Variants in UGGT1 observed in about 807,000 individuals in gnomAD.
UGGT1 encodes UDP-glucose:glycoprotein glucosyltransferase 1.
In UGGT1, 107 loss-of-function variants were observed where a neutral mutation model predicts 203.9. The ratio of observed to expected loss-of-function variants is 0.52; its 90% CI spans 0.45 to 0.62. The LOEUF is 0.62. UGGT1 is among the 20% of genes least tolerant of loss of function. The pLI is 0.00. For missense variants in UGGT1, 1,673 were observed against 1,867.2 expected (o/e 0.90, Z 1.92); for synonymous variants, 628 against 653.5 (o/e 0.96, Z 0.59).
rs145658959 is a variant in UGGT1, at chr2:128,135,275, T to C, written c.1583+314T>C. On this transcript the variant is annotated intron_variant, in intron 15 of 40. Transcript: ENST00000259253. ...CACATCACAAAACCTATTTCCACTT[T>C]CAGCAGAGATATAGAGCATTGCCAA... is the stretch of plus-strand genomic sequence containing the variant. Among the ~76,000 whole-genome samples, 67 of 152,352 alleles carry C rather than the reference T, an allele frequency of 4.4e-4. No individual in the cohort carries two copies. The East Asian group carries it at 0.011, about 25-fold the overall frequency.
rs1335381988 is a variant in UGGT1 at position 128,159,650 on chromosome 2, C to A, written c.2492C>A (p.Thr831Asn). 3.1e-6 allele frequency: 5 copies of A among 1,614,014 alleles called. No individual in the cohort carries two copies. Among genetic ancestry groups the A allele is most frequent in the Admixed American group, 1.7e-5 (1 of 59,998 alleles). Residue 831 changes from threonine (T) to asparagine (N), a missense_variant, in exon 23 of 41, where the codon ACC becomes AAC. Thr to Asn is a moderately conservative substitution (Grantham distance 65). This residue lies in a region of UGGT1 where 1,073 missense variants were observed against 1,078.7 expected (regional missense o/e 0.99). Transcript: ENST00000259253. ...TCCAACGCTGCTAAGAACTTCATCACCAAAATGGCCAAGGAGGGGGCTGCA... is the reference window on the plus strand; with the variant it reads ...TCCAACGCTGCTAAGAACTTCATCAACAAAATGGCCAAGGAGGGGGCTGCA... ...QTSNAAKNFI[T>N]KMAKEGAAEA...
intron 5 of UGGT1, 124 bp from the exon 6 acceptor site, chr2:128,112,960 A>G (rs1388248400): frequency 6.0e-6 from 5 of 836,002 alleles, no homozygotes; most frequent in Non-Finnish European, 8.6e-6. Flanking sequence ...AGATCATGCT[A>G]CCCTTCATAT....
intron 3 of UGGT1, 78 bp downstream of exon 3, chr2:128,104,092 G>A: frequency 9.1e-7 from 1 of 1,095,848 alleles, no homozygotes. Flanking sequence ...TATAGTATGT[G>A]TGGCATGGCA....
chr2:128,093,780 G>A (rs940790077), intron 1 of UGGT1, among the ~76,000 whole-genome samples: 8 of 152,206 alleles, frequency 5.3e-5, no homozygotes, highest in Non-Finnish European at 1.0e-4. Flanking sequence ...GTTAGGCAAG[G>A]TACTCAGCAT....
At chr2:128,176,684 A>T in intron 31 of UGGT1, 130 bp from the exon 32 acceptor site, 1 of 847,948 alleles carries the variant, frequency 1.2e-6, no homozygotes, top group Non-Finnish European at 1.9e-6. Context: ...GAAGGAGCTT[A>T]AGGAGCAAGA....
intron 24 of UGGT1, 129 bp downstream of exon 24, chr2:128,160,720 C>G: frequency 3.0e-6 from 4 of 1,318,448 alleles, no homozygotes; most frequent in Non-Finnish European, 4.1e-6. Flanking sequence ...TTATGAAGTG[C>G]CATTGATGTT....
In UGGT1 at chr2:128,164,863, T is replaced by C. The variant is rs370839397; in HGVS notation, c.2921+38T>C. On this transcript the variant is annotated intron_variant, in intron 26 of 40. Coordinates refer to ENST00000259253, the MANE Select transcript of UGGT1 (RefSeq NM_020120.4). ...TGTTGAATTTGTGCATATTCTTGAA[T>C]ATTAAACTCTTATGTTTGCTTTACC... is the stretch of plus-strand genomic sequence containing the variant. 6.4e-5 allele frequency: 95 copies of C among 1,475,508 alleles called. No individual in the cohort carries two copies. The African/African-American group carries it at 1.3e-3, about 20-fold the overall frequency. The allele number at this position is 1,475,508 out of a possible 1,614,324, so 91.4% of individuals were successfully genotyped here. A position where few individuals can be genotyped will look rare whatever the true frequency, so the allele number is the denominator to read the frequency against.
chr2:128,163,266 T>C (rs1468624131), intron 25 of UGGT1, among the ~76,000 whole-genome samples: 2 of 145,718 alleles, frequency 1.4e-5, no homozygotes, highest in African/African-American at 5.1e-5. Flanking sequence ...ATATATTTGC[T>C]GGGTTCATAG....
chr2:128,153,497 C>G (rs1248672162), intron 19 of UGGT1, among the ~76,000 whole-genome samples: 1 of 152,094 alleles, frequency 6.6e-6, no homozygotes, highest in Non-Finnish European at 1.5e-5. Flanking sequence ...ATTCCATGTA[C>G]CTATTAGTAG....
In UGGT1 at chr2:128,142,544, C is replaced by T. The variant is rs558987531; in HGVS notation, c.1720-550C>T. Among the ~76,000 whole-genome samples the T allele has an allele frequency of 2.7e-5, 4 of 147,288 alleles. No individual in the cohort carries two copies. In the South Asian group the frequency reaches 6.4e-4, roughly 24 times the overall value. On this transcript the variant is annotated intron_variant, in intron 16 of 40. Transcript: ENST00000259253. Reference sequence around the variant, plus strand: ...AGGTTGTAGTGAGCCAAGATTGTGCCACTGCACTCCAACCTGGGTGACAGA... The same window carrying T: ...AGGTTGTAGTGAGCCAAGATTGTGCTACTGCACTCCAACCTGGGTGACAGA...
intron 25 of UGGT1, among the ~76,000 whole-genome samples, chr2:128,163,610 G>A (rs1690639334): frequency 6.6e-6 from 1 of 152,002 alleles, no homozygotes; most frequent in Admixed American, 6.5e-5. Context: ...AGCTACTCAG[G>A]AGGCTGAGGC....
intron 10 of UGGT1, among the ~76,000 whole-genome samples, chr2:128,122,298 C>T (rs1308225670): frequency 6.6e-6 from 1 of 151,746 alleles, no homozygotes; most frequent in African/African-American, 2.4e-5. Flanking sequence ...TTTGGGACGA[C>T]AAGGTGGGTG....
At chr2:128,157,886 G>A (rs1437379757) in intron 22 of UGGT1, among the ~76,000 whole-genome samples, 5 of 152,194 alleles carry the variant, frequency 3.3e-5, no homozygotes, top group Non-Finnish European at 5.9e-5. Flanking sequence ...GAGTGTCATC[G>A]TTAGAGGATG....
intron 13 of UGGT1, among the ~76,000 whole-genome samples, chr2:128,132,811 A>C (rs1688946329): frequency 6.6e-6 from 1 of 152,108 alleles, no homozygotes. Context: ...CCTTGGGCTC[A>C]GGTGATCATC....
intron 11 of UGGT1, among the ~76,000 whole-genome samples, chr2:128,124,418 T>C (rs1688518294): frequency 6.6e-6 from 1 of 152,182 alleles, no homozygotes; most frequent in Non-Finnish European, 1.5e-5. Flanking sequence ...TAAGGATCTT[T>C]TCTTTGACTC....
chr2:128,189,661 G>A, intron 40 of UGGT1, 56 bp from the exon 41 acceptor site: 1 of 1,576,914 alleles, frequency 6.3e-7, no homozygotes, highest in Non-Finnish European at 8.7e-7. Context: ...CCACTCAGTG[G>A]TGTTTGTAAT....
chr2:128,126,816 G>A (rs1688629922), intron 11 of UGGT1, among the ~76,000 whole-genome samples: 1 of 151,294 alleles, frequency 6.6e-6, no homozygotes, highest in Non-Finnish European at 1.5e-5. Context: ...CTAGGCAGCT[G>A]GGACTATAGG....
intron 40 of UGGT1, 129 bp from the exon 41 acceptor site, chr2:128,189,588 T>C: frequency 2.1e-6 from 2 of 948,906 alleles, no homozygotes; most frequent in Non-Finnish European, 3.2e-6. Flanking sequence ...ATCCCAAAGA[T>C]TTAGTAAGTG....
In UGGT1 at chr2:128,104,160, G is replaced by A. The variant is rs80014468; in HGVS notation, c.277+146G>A. On this transcript the variant is annotated intron_variant, in intron 3 of 40. Coordinates refer to ENST00000259253, the MANE Select transcript of UGGT1 (RefSeq NM_020120.4). ...GGAGTTATGATGGTGGTCAGGAAGAGCCAACACAACACAAATTATTATTTT... is the reference window on the plus strand; with the variant it reads ...GGAGTTATGATGGTGGTCAGGAAGAACCAACACAACACAAATTATTATTTT... 1.9e-3 allele frequency: 1,100 copies of A among 573,636 alleles called. 14 individuals are homozygous for A. The East Asian group carries it at 0.033, about 17-fold the overall frequency. 35.5% of individuals were successfully genotyped at this position (573,636 alleles called of 1,614,324 possible). A position where few individuals can be genotyped will look rare whatever the true frequency, so the allele number is the denominator to read the frequency against.
Sources: allele counts gnomAD v4.1 joint callset (sites outside exome capture counted in the v4.1 genomes callset), GRCh38; gene constraint gnomAD v4.1.1; regional missense constraint gnomAD v4.1.1; transcripts MANE v1.5; gene names NCBI Gene and HGNC (gene_info 2026-07-23, HGNC 2026-07-21).